ICAM5: variants seen among roughly 807,000 people sequenced by gnomAD.
ICAM5 encodes the protein ICAM-5.
In ICAM5, 38 loss-of-function variants were observed where a neutral mutation model predicts 78.8. That is an observed-to-expected ratio of 0.48 (90% CI 0.37 to 0.63). The LOEUF is 0.63. ICAM5 is among the 30% of genes least tolerant of loss of function. ICAM5 has a pLI of 0.00. For missense variants in ICAM5, 1,059 were observed against 1,303.0 expected (o/e 0.81, Z 2.88); for synonymous variants, 544 against 590.9 (o/e 0.92, Z 1.15).
At position 10,290,761 on chromosome 19, in the gene ICAM5, C is replaced by T; in HGVS notation, c.83-311C>T. 2 of 481,034 alleles carry T rather than the reference C, an allele frequency of 4.2e-6. No homozygotes were observed. Among genetic ancestry groups the T allele is most frequent in the Non-Finnish European group, 7.4e-6 (2 of 270,266 alleles). The allele number at this position is 481,034 out of a possible 1,614,324, so 29.8% of individuals were successfully genotyped here. A position where few individuals can be genotyped will look rare whatever the true frequency, so the allele number is the denominator to read the frequency against. ...CCATCCCGGGTCCCCTTCTCTCAGC[C>T]TTGCTGTGTTCATCCAAGAACCCAC... On this transcript the variant is annotated intron_variant, in intron 1 of 10. Coordinates refer to ENST00000221980, the MANE Select transcript of ICAM5 (RefSeq NM_003259.4). This position sits in a 1 kb window ranked among gnomAD's most constrained non-coding sequence, Gnocchi z 5.7.
chr19:10,294,458 C>T lies in ICAM5; in HGVS notation c.2048C>T (p.Ala683Val), dbSNP rs765164743. 2 of 1,609,854 alleles carry T rather than the reference C, an allele frequency of 1.2e-6. No individual in the cohort carries two copies. Among genetic ancestry groups the T allele is most frequent in the Middle Eastern group, 1.7e-4 (1 of 6,034 alleles). The change falls in exon 9 of 11, where the codon GCT becomes GTT. Residue 683 changes from alanine (A) to valine (V), a missense_variant. Ala to Val is a moderately conservative substitution (Grantham distance 64). This residue lies in a region of ICAM5 where 815 missense variants were observed against 952.8 expected (regional missense o/e 0.86). Transcript: ENST00000221980. This position sits in a 1 kb window ranked among gnomAD's most constrained non-coding sequence, Gnocchi z 7.7. Reference sequence around the variant, plus strand: ...AGTCACCAGACGTGGCTGGAAGGGGCTGAGGCTTCCGCGCTGGCCTGCGCC... The same window carrying T: ...AGTCACCAGACGTGGCTGGAAGGGGTTGAGGCTTCCGCGCTGGCCTGCGCC... ...CPSHQTWLEG[A>V]EASALACAAR...
Position 10,294,972 on chromosome 19 carries a change from G to A in ICAM5, c.2230+332G>A, listed in dbSNP as rs908659065. 6.6e-6 allele frequency among the ~76,000 whole-genome samples: 1 copy of A among 152,132 alleles called. No homozygotes were observed. The highest frequency in any genetic ancestry group is 1.5e-5 in the Non-Finnish European group (1 of 67,998). ...CTTGGGAGGCTGAGGCAGGAGAATCGCTTGAGCCTGGGAGGCAGAGGTTGC... is the reference window on the plus strand; with the variant it reads ...CTTGGGAGGCTGAGGCAGGAGAATCACTTGAGCCTGGGAGGCAGAGGTTGC... On this transcript the variant is annotated intron_variant, in intron 9 of 10. Transcript: ENST00000221980. The surrounding 1 kb of genome is among the most constrained non-coding windows in gnomAD (Gnocchi z 7.7).
In ICAM5 at chr19:10,294,211, G is replaced by A; in HGVS notation, c.1883G>A (p.Ser628Asn). ...VLLPLAPPDP[S>N]PRAPRIPRVL... Reference sequence around the variant, plus strand: ...CTGCCGCTGGCACCCCCAGACCCTAGTCCCAGAGCTCCCAGAATCCCTAGA... The same window carrying A: ...CTGCCGCTGGCACCCCCAGACCCTAATCCCAGAGCTCCCAGAATCCCTAGA... The change falls in exon 8 of 11, where the codon AGT becomes AAT. Residue 628 changes from serine to asparagine, a missense_variant. By Grantham distance (46) the Ser-to-Asn change is conservative (BLOSUM62 1). Coordinates refer to ENST00000221980, the MANE Select transcript of ICAM5 (RefSeq NM_003259.4). The surrounding 1 kb of genome is among the most constrained non-coding windows in gnomAD (Gnocchi z 7.7). The A allele has an allele frequency of 6.2e-7, 1 of 1,614,058 alleles. No individual in the cohort carries two copies. The highest frequency in any genetic ancestry group is 8.5e-7 in the Non-Finnish European group (1 of 1,180,004).
In ICAM5 at chr19:10,296,733, AC is replaced by A; in HGVS notation, c.*122del. On this transcript the variant is annotated 3_prime_UTR_variant, in exon 11 of 11. Transcript: ENST00000221980. ...TTATGTATTCAACTCCAAGGGCGTCACCCCCATTTTCTACCCATCCCCTCAA... is the reference window on the plus strand; with the variant it reads ...TTATGTATTCAACTCCAAGGGCGTCACCCCATTTTCTACCCATCCCCTCAA... The A allele has an allele frequency of 1.1e-6, 1 of 938,942 alleles. No homozygotes were observed. Among genetic ancestry groups the A allele is most frequent in the Non-Finnish European group, 1.3e-6 (1 of 743,614 alleles). The allele number at this position is 938,942 out of a possible 1,614,324, so 58.2% of individuals were successfully genotyped here.
rs1036038533 is a variant in ICAM5, at chr19:10,296,558, G to A, written c.2717G>A (p.Gly906Asp). ...GAGGGCGGACCCGAGGCGGCGGGGG[G>A]CGCGGCCGAGTCGCCGGCGGAGGGC... is the stretch of plus-strand genomic sequence containing the variant. The part of the protein sequence containing the change: ...GAEGGPEAAG[G>D]AAESPAEGEV... The change falls in exon 11 of 11, where the codon GGC (glycine) becomes GAC (aspartate). Residue 906 changes from glycine (G) to aspartate (D), a missense_variant. Transcript: ENST00000221980. 36 of 1,219,364 alleles carry A rather than the reference G, an allele frequency of 3.0e-5. 1 individual carries two copies. In the Admixed American group the frequency reaches 7.0e-4, roughly 24 times the overall value. The allele number at this position is 1,219,364 out of a possible 1,614,324, so 75.5% of individuals were successfully genotyped here.
At position 10,291,222 on chromosome 19, in the gene ICAM5, G is replaced by A. The variant is rs1327495123; in HGVS notation, c.233G>A (p.Arg78Lys). The A allele has an allele frequency of 6.2e-6, 10 of 1,612,384 alleles. No individual in the cohort carries two copies. The highest frequency in any genetic ancestry group is 8.5e-6 in the Non-Finnish European group (10 of 1,179,930). The change falls in exon 2 of 11, where the codon AGG becomes AAG. Residue 78 changes from arginine (R) to lysine (K), a missense_variant. By Grantham distance (26) the Arg-to-Lys change is conservative. This residue lies in a region of ICAM5 where 815 missense variants were observed against 952.8 expected (regional missense o/e 0.86). Transcript: ENST00000221980. ...TCGCTGCGCCGAAACGGGACCCAGA[G>A]GGGTTTGCGTTGGTTGGCGCGGCAG... ...ETSLRRNGTQRGLRWLARQLV... is the reference protein window; with the variant it reads ...ETSLRRNGTQKGLRWLARQLV...
Position 10,293,356 on chromosome 19 carries a change from T to A in ICAM5, c.1465+110T>A. 1 of 1,406,098 alleles carries A rather than the reference T, an allele frequency of 7.1e-7. No individual in the cohort carries two copies. The highest frequency in any genetic ancestry group is 1.4e-5 in the South Asian group (1 of 70,588). 87.1% of individuals were successfully genotyped at this position (1,406,098 alleles called of 1,614,324 possible). On this transcript the variant is annotated intron_variant, in intron 6 of 10. Coordinates refer to ENST00000221980, the MANE Select transcript of ICAM5 (RefSeq NM_003259.4). The surrounding 1 kb of genome is among the most constrained non-coding windows in gnomAD (Gnocchi z 5.0). ...ATGAGGTGTCCCTTTGGGTGAGGTT[T>A]TGGGAAAGGGAAGAGGCTGGTTAGT...
rs1191306381 is a variant in ICAM5, at chr19:10,293,987, C to A, written c.1711+44C>A. 1.3e-6 allele frequency: 2 copies of A among 1,598,574 alleles called. No homozygotes were observed. Among genetic ancestry groups the A allele is most frequent in the Admixed American group, 1.7e-5 (1 of 59,364 alleles). Reference sequence around the variant, plus strand: ...GAGTTAGGCAGGATCTGTGGGACAACCCCGGCTGGACTTCCTGGCCCCCGT... The same window carrying A: ...GAGTTAGGCAGGATCTGTGGGACAAACCCGGCTGGACTTCCTGGCCCCCGT... On this transcript the variant is annotated intron_variant, in intron 7 of 10. Coordinates refer to ENST00000221980, the MANE Select transcript of ICAM5 (RefSeq NM_003259.4). This position sits in a 1 kb window ranked among gnomAD's most constrained non-coding sequence, Gnocchi z 5.0.
At chr19:10,296,222 C>A in intron 10 of ICAM5, 117 bp from the exon 11 acceptor site, 1 of 1,041,836 alleles carries the variant, frequency 9.6e-7, no homozygotes. Flanking sequence ...TCTCCCAAGG[C>A]CAGACAGTGA....
At position 10,293,712 on chromosome 19, in the gene ICAM5, GA is replaced by G; in HGVS notation, c.1481del (p.Asp494AlafsTer19). 6.2e-7 allele frequency: 1 copy of G among 1,613,732 alleles called. No individual in the cohort carries two copies. ...TLTVEYAPAL[D>X]SVGCPERITW... ...CCCTCCTCCAGACGCACCAGCGCTGGACAGCGTGGGCTGCCCAGAACGCATT... is the reference window on the plus strand; with the variant it reads ...CCCTCCTCCAGACGCACCAGCGCTGGCAGCGTGGGCTGCCCAGAACGCATT... On this transcript the variant is annotated frameshift_variant, in exon 7 of 11. Transcript: ENST00000221980. LOFTEE classifies it high-confidence loss of function. This position sits in a 1 kb window ranked among gnomAD's most constrained non-coding sequence, Gnocchi z 5.0.
rs2040193629 is a variant in ICAM5, at chr19:10,293,538, G to A, written c.1466-160G>A. 6.6e-6 allele frequency among the ~76,000 whole-genome samples: 1 copy of A among 152,184 alleles called. No individual in the cohort carries two copies. Among genetic ancestry groups the A allele is most frequent in the South Asian group, 2.1e-4 (1 of 4,838 alleles). On this transcript the variant is annotated intron_variant, in intron 6 of 10. Coordinates refer to ENST00000221980, the MANE Select transcript of ICAM5 (RefSeq NM_003259.4). This position sits in a 1 kb window ranked among gnomAD's most constrained non-coding sequence, Gnocchi z 5.0. ...CCACTGGTGGCTCAGGAAGCTCCCA[G>A]ACAGAGTGCATGCCTCGACTAGCGT...
At chr19:10,292,534 T>C (rs1309426064) in intron 4 of ICAM5, 78 bp from the exon 5 acceptor site, 1 of 1,497,540 alleles carries the variant, frequency 6.7e-7, no homozygotes, top group African/African-American at 1.4e-5. Flanking sequence ...ACCCCGAGGA[T>C]TCGGGCAGAT....
intron 2 of ICAM5, 32 bp from the exon 3 acceptor site, chr19:10,291,457 T>C: frequency 6.2e-7 from 1 of 1,610,506 alleles, no homozygotes; most frequent in South Asian, 1.1e-5. Context: ...AGTCCCGGTG[T>C]TCAAAGAGCT....
rs2040168639 is a variant in ICAM5, at chr19:10,291,198, C to T, written c.209C>T (p.Ser70Leu). ...PRPERGGLET[S>L]LRRNGTQRGL... ...CCGGAGCGCGGTGGCCTGGAGACCT[C>T]GCTGCGCCGAAACGGGACCCAGAGG... The change falls in exon 2 of 11, where the codon TCG becomes TTG. Residue 70 changes from serine (S) to leucine (L), a missense_variant. Physicochemically the swap from Ser to Leu is moderately radical, Grantham distance 145 (BLOSUM62 -2). Transcript: ENST00000221980. 3 of 1,612,360 alleles carry T rather than the reference C, an allele frequency of 1.9e-6. No homozygotes were observed. Among genetic ancestry groups the T allele is most frequent in the Non-Finnish European group, 2.5e-6 (3 of 1,179,884 alleles).
In ICAM5 at chr19:10,292,735, C is replaced by A; in HGVS notation, c.1085C>A (p.Pro362Gln). Reference protein sequence around the residue: ...VTLEGVPAAVPGQPAQLQLNA... With the variant: ...VTLEGVPAAVQGQPAQLQLNA... ...CTGGAGGGAGTTCCAGCCGCGGTCCCGGGGCAGCCCGCCCAGCTTCAGCTA... is the reference window on the plus strand; with the variant it reads ...CTGGAGGGAGTTCCAGCCGCGGTCCAGGGGCAGCCCGCCCAGCTTCAGCTA... Residue 362 changes from proline (P) to glutamine (Q), a missense_variant, in exon 5 of 11, where the codon CCG becomes CAG. By Grantham distance (76) the Pro-to-Gln change is moderately conservative. Coordinates refer to ENST00000221980, the MANE Select transcript of ICAM5 (RefSeq NM_003259.4). 1.2e-6 allele frequency: 2 copies of A among 1,613,444 alleles called. No individual in the cohort carries two copies. The highest frequency in any genetic ancestry group is 2.2e-5 in the South Asian group (2 of 91,062).
At chr19:10,292,892 C>G (rs772668420) in intron 5 of ICAM5, 26 bp downstream of exon 5, 56 of 1,606,752 alleles carry the variant, frequency 3.5e-5, no homozygotes, top group South Asian at 3.3e-4. Context: ...CCCCTCGCCC[C>G]CCACCTTCTG....
Position 10,291,612 on chromosome 19 carries a change from G to A in ICAM5, c.476G>A (p.Arg159Gln), listed in dbSNP as rs767024873. 4 of 1,611,736 alleles carry A rather than the reference G, an allele frequency of 2.5e-6. No homozygotes were observed. The highest frequency in any genetic ancestry group is 3.4e-6 in the Non-Finnish European group (4 of 1,179,542). The change falls in exon 3 of 11, where the codon CGG becomes CAG. Residue 159 changes from arginine to glutamine, a missense_variant. Physicochemically the swap from Arg to Gln is conservative, Grantham distance 43. Coordinates refer to ENST00000221980, the MANE Select transcript of ICAM5 (RefSeq NM_003259.4). ...PRASLTLTLL[R>Q]GAQELIRRSF... is the part of the protein sequence containing the mutation. ...GCGAGCCTCACGCTGACCCTGCTGC[G>A]GGGCGCCCAGGAGCTGATCCGCCGC...
Position 10,293,157 on chromosome 19 carries a change from C to T in ICAM5, c.1376C>T (p.Pro459Leu). 6.2e-7 allele frequency: 1 copy of T among 1,611,472 alleles called. No homozygotes were observed. Among genetic ancestry groups the T allele is most frequent in the Non-Finnish European group, 8.5e-7 (1 of 1,179,152 alleles). ...GTGCTGGCTCTGGGCCTGCTGGGTC[C>T]AGTCACTCGGGCGCTCTCAGGCACT... ...GAVLALGLLGPVTRALSGTYR... is the reference protein window; with the variant it reads ...GAVLALGLLGLVTRALSGTYR... Residue 459 changes from proline to leucine, a missense_variant, in exon 6 of 11, where the codon CCA (proline) becomes CTA (leucine). This residue lies in a region of ICAM5 where 815 missense variants were observed against 952.8 expected (regional missense o/e 0.86). Coordinates refer to ENST00000221980, the MANE Select transcript of ICAM5 (RefSeq NM_003259.4). This position sits in a 1 kb window ranked among gnomAD's most constrained non-coding sequence, Gnocchi z 5.0.
intron 10 of ICAM5, 63 bp from the exon 11 acceptor site, chr19:10,296,276 G>A: frequency 1.6e-6 from 2 of 1,218,280 alleles, no homozygotes; most frequent in African/African-American, 1.6e-5. Flanking sequence ...GTGGGAGTGC[G>A]GGGGGCGGTG....
Sources: gnomAD v4.1 joint callset for allele counts (sites outside exome capture counted in the v4.1 genomes callset) on GRCh38, gnomAD v4.1.1 for gene constraint, gnomAD v4.1.1 regional missense constraint, Gnocchi (gnomAD v3.1) non-coding constraint, MANE v1.5 for transcripts, NCBI Gene and HGNC (gene_info 2026-07-23, HGNC 2026-07-21) for gene names.